MAP4: variants seen among roughly 807,000 people sequenced by gnomAD.
MAP4 encodes the protein microtubule-associated protein 4.
MAP4 carries 76 observed loss-of-function variants against 170.2 expected under a neutral mutation model. That is an observed-to-expected ratio of 0.45 (90% CI 0.37 to 0.54). MAP4 has a LOEUF of 0.54. Ranked by LOEUF, MAP4 falls within the 20% of genes least tolerant of loss-of-function variation. The pLI, the probability that MAP4 is intolerant of heterozygous loss-of-function variation, is 0.00. For missense variants in MAP4, 2,506 were observed against 2,748.0 expected (o/e 0.91, Z 1.97); for synonymous variants, 909 against 994.5 (o/e 0.91, Z 1.62).
At chr3:48,068,739 G>A (rs767185093) in intron 1 of MAP4, among the ~76,000 whole-genome samples, 3 of 152,114 alleles carry the variant, frequency 2.0e-5, no homozygotes, top group Non-Finnish European at 4.4e-5. Flanking sequence ...AGCCAAGATC[G>A]CACCACTGCA....
chr3:48,081,655 T>C (rs1048221002), intron 1 of MAP4, among the ~76,000 whole-genome samples: 2 of 152,262 alleles, frequency 1.3e-5, no homozygotes, highest in African/African-American at 2.4e-5. Flanking sequence ...ATCAGAGATA[T>C]CAGTATAAAC....
chr3:47,933,078 T>A (rs1046903651), intron 3 of MAP4, among the ~76,000 whole-genome samples: 5 of 152,062 alleles, frequency 3.3e-5, no homozygotes, highest in African/African-American at 1.2e-4. Context: ...AATTTTTTTT[T>A]AATTTTTGTA....
intron 2 of MAP4, among the ~76,000 whole-genome samples, chr3:47,979,847 C>T (rs2100084457): frequency 6.6e-6 from 1 of 151,756 alleles, no homozygotes; most frequent in Non-Finnish European, 1.5e-5. Context: ...TTTTTCGAGA[C>T]AGGGTCTCAT....
chr3:47,917,692 G>GACA (rs2100040533), intron 6 of MAP4, among the ~76,000 whole-genome samples: 1 of 152,078 alleles, frequency 6.6e-6, no homozygotes, highest in African/African-American at 2.4e-5. Flanking sequence ...ATACTGGGAG[G>GACA]ACAAGTAGTG....
intron 7 of MAP4, among the ~76,000 whole-genome samples, chr3:47,915,576 T>C (rs1338244360): frequency 1.3e-5 from 2 of 151,864 alleles, no homozygotes; most frequent in Admixed American, 6.6e-5. Flanking sequence ...TAGGGCAAAA[T>C]GAGGAGAGGT....
At chr3:48,007,768 G>C (rs2100103173) in intron 1 of MAP4, among the ~76,000 whole-genome samples, 2 of 151,656 alleles carry the variant, frequency 1.3e-5, no homozygotes, top group Non-Finnish European at 2.9e-5. Flanking sequence ...CACCTCCCAG[G>C]TTCAAGCGAT....
At chr3:47,941,077 C>A (rs1263549696) in intron 3 of MAP4, among the ~76,000 whole-genome samples, 1 of 151,748 alleles carries the variant, frequency 6.6e-6, no homozygotes, top group Admixed American at 6.6e-5. Flanking sequence ...CGGGGTTTTA[C>A]CATGCTGGCC....
chr3:47,941,627 CAA>C (rs796623845), intron 3 of MAP4, among the ~76,000 whole-genome samples: 1 of 126,818 alleles, frequency 7.9e-6, no homozygotes. Flanking sequence ...AAAACAAAAA[CAA>C]AAAAAAAAAA....
intron 3 of MAP4, among the ~76,000 whole-genome samples, chr3:47,929,772 T>C (rs766803448): frequency 1.3e-5 from 2 of 151,038 alleles, no homozygotes; most frequent in African/African-American, 2.4e-5. Context: ...AAAAGCACTA[T>C]CTGTAAGAGA....
chr3:47,906,953 A>G (rs2100033439), intron 9 of MAP4, among the ~76,000 whole-genome samples: 1 of 151,320 alleles, frequency 6.6e-6, no homozygotes, highest in African/African-American at 2.4e-5. Flanking sequence ...CTCCTGCCTC[A>G]TCCTCCCAAG....
At chr3:48,033,031 T>C (rs2100116973) in intron 1 of MAP4, among the ~76,000 whole-genome samples, 1 of 152,202 alleles carries the variant, frequency 6.6e-6, no homozygotes, top group African/African-American at 2.4e-5. Context: ...CACAAAACTT[T>C]AGAAAGGGCA....
chr3:48,053,330 C>T (rs2100128888), intron 1 of MAP4, among the ~76,000 whole-genome samples: 1 of 149,322 alleles, frequency 6.7e-6, no homozygotes, highest in Non-Finnish European at 1.5e-5. Context: ...TTCTGTTTTG[C>T]AAGTTCCAGC....
At chr3:48,013,350 C>G (rs1384880190) in intron 1 of MAP4, 3 of 151,776 alleles carry the variant, frequency 2.0e-5, no homozygotes, top group African/African-American at 7.2e-5. Context: ...TACTATTCCT[C>G]TTCTATCCAT....
intron 10 of MAP4, among the ~76,000 whole-genome samples, chr3:47,881,759 C>T (rs2096803825): frequency 6.6e-6 from 1 of 151,496 alleles, no homozygotes; most frequent in African/African-American, 2.4e-5. Flanking sequence ...GCATGTGCCA[C>T]CATGCCTGGC....
At chr3:47,915,344 G>A (rs1224547068) in intron 7 of MAP4, among the ~76,000 whole-genome samples, 2 of 151,930 alleles carry the variant, frequency 1.3e-5, no homozygotes, top group Admixed American at 6.6e-5. Flanking sequence ...TTGAATTCCC[G>A]ACCTCAGGTG....
intron 1 of MAP4, among the ~76,000 whole-genome samples, chr3:48,015,093 G>A (rs1045802352): frequency 1.3e-5 from 2 of 152,020 alleles, no homozygotes; most frequent in Admixed American, 6.6e-5. Context: ...TCAAAATATC[G>A]CCTCCTGTCA....
chr3:47,918,835 G>A lies in MAP4; in HGVS notation c.536C>T (p.Ser179Phe), dbSNP rs1313683073. Reference protein sequence around the residue: ...NDPLKDSYGMSPCNTAVVPQG... With the variant: ...NDPLKDSYGMFPCNTAVVPQG... The stretch of plus-strand genomic sequence containing the variant: ...AGGTACAACAGCTGTGTTGCAGGGA[G>A]ACATACCTAATATTGAAACACAAAC... The change falls in exon 6 of 21, where the codon TCT becomes TTT. Residue 179 changes from serine (S) to phenylalanine (F), a missense_variant. Physicochemically the swap from Ser to Phe is radical, Grantham distance 155 (BLOSUM62 -2). Coordinates refer to ENST00000683076, the MANE Select transcript of MAP4 (RefSeq NM_001385682.1). 2 of 1,612,138 alleles carry A rather than the reference G, an allele frequency of 1.2e-6. No homozygotes were observed. The highest frequency in any genetic ancestry group is 3.3e-5 in the Admixed American group (2 of 59,874).
intron 4 of MAP4, 135 bp from the exon 5 acceptor site, chr3:47,922,013 T>A (rs1380064045): frequency 1.8e-6 from 1 of 561,136 alleles, no homozygotes; most frequent in Non-Finnish European, 3.2e-6. Flanking sequence ...AGTGGTGCCA[T>A]CTTGGTTCAC....
At chr3:48,073,431 G>A (rs996213385) in intron 1 of MAP4, among the ~76,000 whole-genome samples, 3 of 151,482 alleles carry the variant, frequency 2.0e-5, no homozygotes, top group African/African-American at 7.3e-5. Flanking sequence ...GACCAAGATG[G>A]AGAAACCCCG....
Sources: allele counts gnomAD v4.1 joint callset (sites outside exome capture counted in the v4.1 genomes callset), GRCh38; gene constraint gnomAD v4.1.1; transcripts MANE v1.5; gene names NCBI Gene and HGNC (gene_info 2026-07-23, HGNC 2026-07-21).